The following SLCO4C1 variants were observed in gnomAD, a reference collection of about 807,000 sequenced individuals.
The protein encoded by SLCO4C1 is solute carrier organic anion transporter family member 4C1.
Under a neutral mutation model 72.1 loss-of-function variants are expected in SLCO4C1, and 58 were observed. The ratio of observed to expected loss-of-function variants is 0.80; its 90% confidence interval spans 0.65 to 1.00. The LOEUF (loss-of-function observed/expected upper bound fraction) is 1.00. Among genes scored for constraint, SLCO4C1 ranks in the 50% least tolerant of loss-of-function variants. SLCO4C1 has a pLI of 0.00. For missense variants in SLCO4C1, 898 were observed against 857.9 expected (o/e 1.05, Z -0.58); for synonymous variants, 297 against 312.5 (o/e 0.95, Z 0.52).
At chr5:102,282,336 C>T (rs898260574) in intron 2 of SLCO4C1, among the ~76,000 whole-genome samples, 2 of 151,906 alleles carry the variant, frequency 1.3e-5, no homozygotes, top group African/African-American at 4.8e-5. Context: ...ATTTTATTAA[C>T]TGTATTAAAA....
Sources: allele counts gnomAD v4.1 joint callset (sites outside exome capture counted in the v4.1 genomes callset), GRCh38; gene constraint gnomAD v4.1.1; transcripts MANE v1.5; gene names NCBI Gene and HGNC (gene_info 2026-07-23, HGNC 2026-07-21).